The following RAPGEF4 variants were observed in gnomAD, a reference collection of about 807,000 sequenced individuals.
RAPGEF4 encodes RAP guanine-nucleotide-exchange factor (GEF) 4.
A neutral mutation model predicts 147.9 loss-of-function variants in RAPGEF4; 66 were observed. That is an observed-to-expected ratio of 0.45 (90% CI 0.37 to 0.55). The LOEUF (loss-of-function observed/expected upper bound fraction) is 0.55, where lower values mean the gene tolerates loss of function less well. Among genes scored for constraint, RAPGEF4 ranks in the 20% least tolerant of loss-of-function variants. The pLI is 0.00. For missense variants in RAPGEF4, 1,071 were observed against 1,257.3 expected, an observed-to-expected ratio of 0.85 and a Z score of 2.24; for synonymous variants, 419 against 442.7, an observed-to-expected ratio of 0.95 and a Z score of 0.67.
In RAPGEF4 at chr2:172,961,136, G is replaced by C; in HGVS notation, c.606G>C (p.Lys202Asn). 6.2e-7 allele frequency: 1 copy of C among 1,609,224 alleles called. No individual in the cohort carries two copies. Among genetic ancestry groups the C allele is most frequent in the Non-Finnish European group, 8.5e-7 (1 of 1,175,568 alleles). Residue 202 changes from lysine to asparagine, a missense_variant, in exon 8 of 31, where the codon AAG (lysine) becomes AAC (asparagine). Transcript: ENST00000397081. ...ANTITKVPSEKILRAGKILRN... is the reference protein window; with the variant it reads ...ANTITKVPSENILRAGKILRN... Reference sequence around the variant, plus strand: ...TTACAATCCAGGTCCCTTCAGAGAAGATCCTCAGAGCTGGAAAAATTTTAC... The same window carrying C: ...TTACAATCCAGGTCCCTTCAGAGAACATCCTCAGAGCTGGAAAAATTTTAC...
rs1575379748 is a variant in RAPGEF4, at chr2:172,960,785, C to T, written c.563C>T (p.Pro188Leu). The T allele has an allele frequency of 4.4e-6, 7 of 1,606,638 alleles. No homozygotes were observed. Among genetic ancestry groups the T allele is most frequent in the Admixed American group, 1.7e-5 (1 of 58,842 alleles). Residue 188 changes from proline (P) to leucine (L), a missense_variant, in exon 7 of 31, where the codon CCT becomes CTT. By Grantham distance (98) the Pro-to-Leu change is moderately conservative. Coordinates refer to ENST00000397081, the MANE Select transcript of RAPGEF4 (RefSeq NM_007023.4). ...ENTPLIEPHV[P>L]LRPANTITKV... ...ACACCTCTCATTGAACCTCACGTTC[C>T]TCTTCGTCCTGCTAACACCATTACC...
intron 1 of RAPGEF4, among the ~76,000 whole-genome samples, chr2:172,759,099 A>G (rs1696055084): frequency 6.6e-6 from 1 of 152,188 alleles, no homozygotes; most frequent in Non-Finnish European, 1.5e-5. Flanking sequence ...ATGTTGACAA[A>G]ACATCAGGAA....
At chr2:172,803,024 G>A (rs183545752) in intron 3 of RAPGEF4, among the ~76,000 whole-genome samples, 1 of 152,328 alleles carries the variant, frequency 6.6e-6, no homozygotes, top group Non-Finnish European at 1.5e-5. Flanking sequence ...TGGCTTTGCA[G>A]AGTATAGCCT....
At chr2:173,022,473 G>C (rs1232260068) in intron 23 of RAPGEF4, among the ~76,000 whole-genome samples, 1 of 152,234 alleles carries the variant, frequency 6.6e-6, no homozygotes, top group Non-Finnish European at 1.5e-5. Flanking sequence ...TGGACAATGA[G>C]CTCCTTCTCT....
chr2:172,792,430 A>C (rs1452718785), intron 1 of RAPGEF4, among the ~76,000 whole-genome samples: 1 of 152,196 alleles, frequency 6.6e-6, no homozygotes, highest in African/African-American at 2.4e-5. Flanking sequence ...TCAAGCCTGC[A>C]CATCTCTCAG....
chr2:172,884,011 C>G (rs949941938), intron 4 of RAPGEF4, among the ~76,000 whole-genome samples: 84 of 152,252 alleles, frequency 5.5e-4, no homozygotes, highest in African/African-American at 2.0e-3. Flanking sequence ...GCTATGGTAT[C>G]ACACCAATTT....
In RAPGEF4 at chr2:173,023,162, T is replaced by C. The variant is rs148768227; in HGVS notation, c.2253+2447T>C. Among the ~76,000 whole-genome samples the C allele has an allele frequency of 4.5e-4, 69 of 152,302 alleles. No homozygotes were observed. The East Asian group carries it at 0.012, about 26-fold the overall frequency. Reference sequence around the variant, plus strand: ...CACGAGGAAAGGAAGATGCTCCGGGTAGCTTACCTTCACCATCTCTTTGTC... The same window carrying C: ...CACGAGGAAAGGAAGATGCTCCGGGCAGCTTACCTTCACCATCTCTTTGTC... On this transcript the variant is annotated intron_variant, in intron 23 of 30. Coordinates refer to ENST00000397081, the MANE Select transcript of RAPGEF4 (RefSeq NM_007023.4).
chr2:172,810,667 G>A (rs1687940060), intron 3 of RAPGEF4, among the ~76,000 whole-genome samples: 1 of 152,204 alleles, frequency 6.6e-6, no homozygotes, highest in African/African-American at 2.4e-5. Flanking sequence ...TTGATCTCAG[G>A]TAACCCAGTA....
rs1695740531 is a variant in RAPGEF4, at chr2:173,018,733, A to G, written c.2086A>G (p.Ile696Val). Residue 696 changes from isoleucine (I) to valine (V), a missense_variant, in exon 22 of 31, where the codon ATC becomes GTC. Ile to Val is a conservative substitution (Grantham distance 29). Coordinates refer to ENST00000397081, the MANE Select transcript of RAPGEF4 (RefSeq NM_007023.4). ...AGTGGCCACTTCGGTGAAGGAAGTC[A>G]TCAGTGCAGTTGCCGACAAGCTGGG... is the stretch of plus-strand genomic sequence containing the variant. ...VPVATSVKEV[I>V]SAVADKLGSG... is the part of the protein sequence containing the mutation. 1.9e-6 allele frequency: 3 copies of G among 1,614,000 alleles called. No homozygotes were observed. Among genetic ancestry groups the G allele is most frequent in the Non-Finnish European group, 1.7e-6 (2 of 1,180,014 alleles).
At chr2:172,985,790 C>A (rs1472044362) in intron 12 of RAPGEF4, among the ~76,000 whole-genome samples, 1 of 152,228 alleles carries the variant, frequency 6.6e-6, no homozygotes, top group Non-Finnish European at 1.5e-5. Flanking sequence ...GGGATGAAGT[C>A]ACTGCCCTTC....
At position 173,003,244 on chromosome 2, in the gene RAPGEF4, AAGGTCCGTTCCATGCCC is replaced by A. The variant is rs146521700; in HGVS notation, c.1658+1905_1658+1921del. On this transcript the variant is annotated intron_variant, in intron 17 of 30. Coordinates refer to ENST00000397081, the MANE Select transcript of RAPGEF4 (RefSeq NM_007023.4). ...CTTTTTAAAATAGCGCTCTGGAGAG[AAGGTCCGTTCCATGCCC>A]AGGTAGGGAGGAGGGGGAAAAATGA... 6.6e-3 allele frequency among the ~76,000 whole-genome samples: 872 copies of A among 132,406 alleles called. 14 individuals carry two copies. Among genetic ancestry groups the A allele is most frequent in the African/African-American group, 0.021 (830 of 40,108 alleles). 86.9% of individuals were successfully genotyped at this position (132,406 alleles called of 152,430 possible). A position where few individuals can be genotyped will look rare whatever the true frequency, so the allele number is the denominator to read the frequency against.
chr2:172,758,686 G>T (rs1696011205), intron 1 of RAPGEF4, among the ~76,000 whole-genome samples: 1 of 152,152 alleles, frequency 6.6e-6, no homozygotes, highest in African/African-American at 2.4e-5. Context: ...AGCATTTTGG[G>T]CTGGGTCATT....
intron 26 of RAPGEF4, among the ~76,000 whole-genome samples, 160 bp from the exon 27 acceptor site, chr2:173,033,754 G>T (rs1683536385): frequency 6.6e-6 from 1 of 152,222 alleles, no homozygotes; most frequent in Non-Finnish European, 1.5e-5. Context: ...TATTCTGGAA[G>T]ATTATTCTCA....
chr2:172,943,676 G>A (rs548814973), intron 6 of RAPGEF4, among the ~76,000 whole-genome samples: 1 of 152,290 alleles, frequency 6.6e-6, no homozygotes, highest in African/African-American at 2.4e-5. Context: ...AGATAAGAAT[G>A]GAATGGCTTT....
At chr2:172,822,740 C>T (rs1689205422) in intron 4 of RAPGEF4, among the ~76,000 whole-genome samples, 1 of 152,188 alleles carries the variant, frequency 6.6e-6, no homozygotes, top group Admixed American at 6.5e-5. Context: ...AAATGCTTCC[C>T]TTGGCCGTGC....
intron 4 of RAPGEF4, among the ~76,000 whole-genome samples, chr2:172,895,119 T>A (rs3769273): frequency 6.6e-6 from 1 of 151,900 alleles, no homozygotes; most frequent in Non-Finnish European, 1.5e-5. Flanking sequence ...GGCAGCAGCC[T>A]GACAGCCACT....
intron 3 of RAPGEF4, among the ~76,000 whole-genome samples, chr2:172,811,882 C>T (rs1688058041): frequency 6.6e-6 from 1 of 152,210 alleles, no homozygotes; most frequent in Non-Finnish European, 1.5e-5. Flanking sequence ...CAGCACATTG[C>T]AAGGCCCTGC....
intron 1 of RAPGEF4, among the ~76,000 whole-genome samples, chr2:172,745,260 C>T (rs184804381): frequency 6.6e-6 from 1 of 152,166 alleles, no homozygotes; most frequent in South Asian, 2.1e-4. Flanking sequence ...CAAATTCAAA[C>T]TGTAATAGAG....
chr2:172,913,691 T>G (rs1311824247), intron 4 of RAPGEF4, among the ~76,000 whole-genome samples: 2 of 152,222 alleles, frequency 1.3e-5, no homozygotes, highest in Non-Finnish European at 2.9e-5. Context: ...GTTTTTTGTT[T>G]TGTTTGTTTG....
Sources: allele counts gnomAD v4.1 joint callset (sites outside exome capture counted in the v4.1 genomes callset), GRCh38; gene constraint gnomAD v4.1.1; transcripts MANE v1.5; gene names NCBI Gene and HGNC (gene_info 2026-07-23, HGNC 2026-07-21).